MAP1B: variants seen among roughly 807,000 people sequenced by gnomAD.
MAP1B encodes microtubule-associated protein 1B.
Under a neutral mutation model 176.1 loss-of-function variants are expected in MAP1B, and 12 were observed. That is an observed-to-expected ratio of 0.07 (90% confidence interval 0.04 to 0.11). The LOEUF (loss-of-function observed/expected upper bound fraction) is 0.11, where lower values mean the gene tolerates loss of function less well. MAP1B is among the 10% of genes least tolerant of loss of function. The probability of loss-of-function intolerance (pLI) is 1.00; values close to 1 mark genes in which losing one functional copy is unlikely to be tolerated. For synonymous variants in MAP1B, 1,044 were observed against 1,135.0 expected (o/e 0.92, Z 1.61); for missense variants, 2,523 against 2,990.5 (o/e 0.84, Z 3.65).
chr5:72,198,441 G>C lies in MAP1B; in HGVS notation c.5086G>C (p.Asp1696His). ...EVDYSPSDMQ[D>H]SSLSHKIPPM... ...GGACTACAGTCCTTCTGACATGCAG[G>C]ACTCCAGTTTATCACATAAGATACC... Residue 1696 changes from aspartate to histidine, a missense_variant, in exon 5 of 7, where the codon GAC becomes CAC. This residue lies in a region of MAP1B where 1,925 missense variants were observed against 2,126.0 expected (regional missense o/e 0.91). Coordinates refer to ENST00000296755, the MANE Select transcript of MAP1B (RefSeq NM_005909.5). 6.2e-7 allele frequency: 1 copy of C among 1,613,902 alleles called. No homozygotes were observed. The highest frequency in any genetic ancestry group is 8.5e-7 in the Non-Finnish European group (1 of 1,180,012).
rs1313425917 is a variant in MAP1B at position 72,194,720 on chromosome 5, T to A, written c.1365T>A (p.Asn455Lys). ...NKDKAEFILP[N>K]GQEVDLPISY... The stretch of plus-strand genomic sequence containing the variant: ...ACAAGGCTGAATTCATTCTGCCTAA[T>A]GGTCAAGAAGTAGATCTCCCGATTT... The change falls in exon 5 of 7, where the codon AAT becomes AAA. Residue 455 changes from asparagine to lysine, a missense_variant. This residue lies in a region of MAP1B where 1,925 missense variants were observed against 2,126.0 expected (regional missense o/e 0.91). Transcript: ENST00000296755. This position sits in a 1 kb window ranked among gnomAD's most constrained non-coding sequence, Gnocchi z 7.2. 1 of 1,614,104 alleles carries A rather than the reference T, an allele frequency of 6.2e-7. No homozygotes were observed. The highest frequency in any genetic ancestry group is 8.5e-7 in the Non-Finnish European group (1 of 1,180,054).
chr5:72,115,946 C>T, intron 2 of MAP1B, 147 bp downstream of exon 2: 2 of 596,376 alleles, frequency 3.4e-6, no homozygotes, highest in Non-Finnish European at 3.0e-6. Flanking sequence ...AGCCAGCAGC[C>T]ACAGTTTAGG....
chr5:72,132,933 A>G lies in MAP1B; in HGVS notation c.286+17134A>G, dbSNP rs930669671. 2.6e-5 allele frequency among the ~76,000 whole-genome samples: 4 copies of G among 152,212 alleles called. No homozygotes were observed. In the East Asian group the frequency reaches 7.7e-4, roughly 29 times the overall value. Reference sequence around the variant, plus strand: ...CAGGAATCCCTGAAACTCCCTGTCCAGGTTCAGCATTTGCCAGCAGAGGGT... The same window carrying G: ...CAGGAATCCCTGAAACTCCCTGTCCGGGTTCAGCATTTGCCAGCAGAGGGT... On this transcript the variant is annotated intron_variant, in intron 2 of 6. Coordinates refer to ENST00000296755, the MANE Select transcript of MAP1B (RefSeq NM_005909.5).
rs767534520 is a variant in MAP1B, at chr5:72,200,377, G to C, written c.7012+10G>C. The C allele has an allele frequency of 1.2e-6, 2 of 1,611,444 alleles. No individual in the cohort carries two copies. The highest frequency in any genetic ancestry group is 2.2e-5 in the East Asian group (1 of 44,870). The stretch of plus-strand genomic sequence containing the variant: ...AAGACCGCCACTGCAGGTAGGTTGA[G>C]AAGGCTGGGCATTGGATATATGTCA... On this transcript the variant is annotated intron_variant, in intron 5 of 6. Transcript: ENST00000296755.
chr5:72,109,977 C>T (rs139279259), intron 1 of MAP1B, among the ~76,000 whole-genome samples: 1 of 152,304 alleles, frequency 6.6e-6, no homozygotes, highest in African/African-American at 2.4e-5. Flanking sequence ...CAGACGCATC[C>T]ACGTACTGCT....
chr5:72,174,648 G>T (rs1413223593), intron 2 of MAP1B, among the ~76,000 whole-genome samples: 5 of 152,148 alleles, frequency 3.3e-5, no homozygotes, highest in African/African-American at 1.2e-4. Context: ...CAGAGGAGGA[G>T]ACTCCTTTCT....
chr5:72,120,602 A>G (rs1225106542), intron 2 of MAP1B, among the ~76,000 whole-genome samples: 1 of 150,396 alleles, frequency 6.6e-6, no homozygotes, highest in African/African-American at 2.4e-5. Context: ...TTTTTTTTGT[A>G]TTTTTAGTAG....
chr5:72,207,113 A>G lies in MAP1B; in HGVS notation c.*1874A>G, dbSNP rs553858186. 4.6e-5 allele frequency: 7 copies of G among 152,318 alleles called. No individual in the cohort carries two copies. Among genetic ancestry groups the G allele is most frequent in the African/African-American group, 1.7e-4 (7 of 41,572 alleles). The allele number at this position is 152,318 out of a possible 1,614,324, so 9.4% of individuals were successfully genotyped here. ...GTAGAGTTTAGAGAAAATTTCCATC[A>G]TTGTCATCATTGAACTGTGAACCTG... On this transcript the variant is annotated 3_prime_UTR_variant, in exon 7 of 7. Transcript: ENST00000296755.
rs1747422356 is a variant in MAP1B at position 72,205,259 on chromosome 5, C to CACAGGATCT, written c.*21_*29dup. On this transcript the variant is annotated 3_prime_UTR_variant, in exon 7 of 7. Transcript: ENST00000296755. ...CTGTAAAAACCAAGGCCAGCCACAC[C>CACAGGATCT]ACAGGATCTGAACTTTGTTTCCAGA... is the stretch of plus-strand genomic sequence containing the variant. 6.3e-7 allele frequency: 1 copy of CACAGGATCT among 1,593,552 alleles called. No individual in the cohort carries two copies. The highest frequency in any genetic ancestry group is 8.5e-7 in the Non-Finnish European group (1 of 1,171,858).
chr5:72,159,340 C>A (rs191216991), intron 2 of MAP1B, among the ~76,000 whole-genome samples: 1 of 152,292 alleles, frequency 6.6e-6, no homozygotes, highest in East Asian at 1.9e-4. Flanking sequence ...GTTGTCCCTA[C>A]ATTTGGACTT....
chr5:72,141,893 A>G (rs1187123533), intron 2 of MAP1B, among the ~76,000 whole-genome samples: 2 of 152,236 alleles, frequency 1.3e-5, no homozygotes, highest in African/African-American at 4.8e-5. Flanking sequence ...AGCAAATCCC[A>G]TTCCACTGGT....
intron 2 of MAP1B, among the ~76,000 whole-genome samples, chr5:72,131,912 T>C (rs965039200): frequency 6.6e-6 from 1 of 152,226 alleles, no homozygotes; most frequent in African/African-American, 2.4e-5. Context: ...TTATCTTTCA[T>C]ACACCATTTA....
chr5:72,138,111 T>C (rs1331524482), intron 2 of MAP1B, among the ~76,000 whole-genome samples: 1 of 152,160 alleles, frequency 6.6e-6, no homozygotes, highest in Non-Finnish European at 1.5e-5. Context: ...AAGTTGAAAG[T>C]TTAATATCCT....
intron 2 of MAP1B, among the ~76,000 whole-genome samples, chr5:72,180,287 A>C (rs1043379163): frequency 6.6e-6 from 1 of 152,186 alleles, no homozygotes; most frequent in Non-Finnish European, 1.5e-5. Flanking sequence ...GCACTGGCTG[A>C]TGCTCTGGGT....
rs150468482 is a variant in MAP1B at position 72,113,513 on chromosome 5, G to A, written c.185-2185G>A. 5.1e-3 allele frequency among the ~76,000 whole-genome samples: 771 copies of A among 152,286 alleles called. 23 individuals are homozygous for A. Among genetic ancestry groups the A allele is most frequent in the Non-Finnish European group, 1.9e-3 (130 of 68,030 alleles). On this transcript the variant is annotated intron_variant, in intron 1 of 6. Coordinates refer to ENST00000296755, the MANE Select transcript of MAP1B (RefSeq NM_005909.5). Reference sequence around the variant, plus strand: ...ATATAAAGCAAACATTTAATTGTGTGTGCCATGACAAGTTAACTGAAGCCA... The same window carrying A: ...ATATAAAGCAAACATTTAATTGTGTATGCCATGACAAGTTAACTGAAGCCA...
intron 2 of MAP1B, among the ~76,000 whole-genome samples, chr5:72,178,959 TA>T (rs1746709393): frequency 6.6e-6 from 1 of 152,078 alleles, no homozygotes. Context: ...CAAAAAGGAA[TA>T]AAATCCCAAC....
At position 72,205,430 on chromosome 5, in the gene MAP1B, A is replaced by G; in HGVS notation, c.*191A>G. ...TTTGCTGATTGCTAAGGGAAATAAC[A>G]GTATTTCCACAATAGGGTTCAAATT... On this transcript the variant is annotated 3_prime_UTR_variant, in exon 7 of 7. Coordinates refer to ENST00000296755, the MANE Select transcript of MAP1B (RefSeq NM_005909.5). The G allele has an allele frequency of 1.7e-6, 1 of 576,168 alleles. No homozygotes were observed. The highest frequency in any genetic ancestry group is 4.0e-4 in the Middle Eastern group (1 of 2,528). 35.7% of individuals were successfully genotyped at this position (576,168 alleles called of 1,614,324 possible).
At chr5:72,152,836 T>C (rs1178643227) in intron 2 of MAP1B, among the ~76,000 whole-genome samples, 1 of 152,202 alleles carries the variant, frequency 6.6e-6, no homozygotes, top group Non-Finnish European at 1.5e-5. Flanking sequence ...ATTGTGCAGC[T>C]CAGCCTGTGG....
At chr5:72,132,024 A>T (rs1442558810) in intron 2 of MAP1B, among the ~76,000 whole-genome samples, 1 of 152,214 alleles carries the variant, frequency 6.6e-6, no homozygotes, top group African/African-American at 2.4e-5. Flanking sequence ...ATATAAAGAT[A>T]CTTCTATTAC....
Sources: gnomAD v4.1 joint callset for allele counts (sites outside exome capture counted in the v4.1 genomes callset) on GRCh38, gnomAD v4.1.1 for gene constraint, gnomAD v4.1.1 regional missense constraint, Gnocchi (gnomAD v3.1) non-coding constraint, MANE v1.5 for transcripts, NCBI Gene and HGNC (gene_info 2026-07-23, HGNC 2026-07-21) for gene names.